IMMT: variants seen among roughly 807,000 people sequenced by gnomAD.
IMMT encodes inner membrane mitochondrial protein.
A neutral mutation model predicts 92.7 loss-of-function variants in IMMT; 40 were observed. The observed-to-expected ratio is 0.43, with a 90% CI of 0.34 to 0.56. The LOEUF is 0.56. IMMT is among the 20% of genes least tolerant of loss of function. The pLI is 0.03. For missense variants in IMMT, 831 were observed against 912.1 expected (o/e 0.91, Z 1.14); for synonymous variants, 322 against 336.1 (o/e 0.96, Z 0.46).
intron 10 of IMMT, among the ~76,000 whole-genome samples, chr2:86,156,159 C>G (rs972750179): frequency 1.1e-4 from 16 of 152,274 alleles, no homozygotes; most frequent in African/African-American, 3.9e-4. Context: ...TGATGTTTAG[C>G]AGCACGTCTG....
chr2:86,167,933 C>G (rs1487776312), intron 6 of IMMT, among the ~76,000 whole-genome samples: 1 of 151,500 alleles, frequency 6.6e-6, no homozygotes, highest in Non-Finnish European at 1.5e-5. Context: ...ATAAACTCAA[C>G]AAATCCATCA....
At chr2:86,153,689 G>A (rs1339703116) in intron 10 of IMMT, 115 bp from the exon 11 acceptor site, 2 of 554,822 alleles carry the variant, frequency 3.6e-6, no homozygotes, top group Non-Finnish European at 3.1e-6. Context: ...CTAGTACCAG[G>A]AAAAGCTATT....
Position 86,162,041 on chromosome 2 carries a change from C to T in IMMT, c.831G>A (p.Val277=). ...TTCTGCGTTCCTTCAATGCACCCTCCACTGTGCGCCACTGAGCAGATTTCT... is the reference window on the plus strand; with the variant it reads ...TTCTGCGTTCCTTCAATGCACCCTCTACTGTGCGCCACTGAGCAGATTTCT... ...GEKKSAQWRT[V]EGALKERRKA... The change falls in exon 8 of 15, where the codon GTG becomes GTA. Residue 277 remains valine, a synonymous_variant. Transcript: ENST00000410111. 1 of 1,604,320 alleles carries T rather than the reference C, an allele frequency of 6.2e-7. No homozygotes were observed. Among genetic ancestry groups the T allele is most frequent in the African/African-American group, 1.3e-5 (1 of 74,694 alleles).
chr2:86,168,158 C>A lies in IMMT; in HGVS notation c.656-1514G>T, dbSNP rs2105149353. 2.0e-5 allele frequency among the ~76,000 whole-genome samples: 3 copies of A among 152,278 alleles called. No individual in the cohort carries two copies. The Middle Eastern group carries it at 0.01, about 518-fold the overall frequency. The stretch of plus-strand genomic sequence containing the variant: ...TGGACAGTGTTCTTCCATAAAAGGA[C>A]TCAAGAAATAGCAGACACCAATGTT... On this transcript the variant is annotated intron_variant, in intron 6 of 14. Transcript: ENST00000410111.
chr2:86,189,984 T>C (rs1462457153), intron 1 of IMMT, among the ~76,000 whole-genome samples: 1 of 152,242 alleles, frequency 6.6e-6, no homozygotes, highest in East Asian at 1.9e-4. Context: ...AAATGGCAGA[T>C]ACTTATCAGT....
At chr2:86,145,444 G>A (rs562570038) in intron 14 of IMMT, among the ~76,000 whole-genome samples, 3 of 131,714 alleles carry the variant, frequency 2.3e-5, no homozygotes, top group South Asian at 2.4e-4. Flanking sequence ...GCAGTGAGTC[G>A]ATATCACACC....
intron 1 of IMMT, among the ~76,000 whole-genome samples, chr2:86,182,998 T>C (rs1013166786): frequency 6.6e-6 from 1 of 152,198 alleles, no homozygotes; most frequent in African/African-American, 2.4e-5. Flanking sequence ...TTCCTTCTAT[T>C]CTGTAAAGTA....
In IMMT at chr2:86,171,294, A is replaced by G; in HGVS notation, c.473T>C (p.Val158Ala). Residue 158 changes from valine to alanine, a missense_variant, in exon 5 of 15, where the codon GTC becomes GCC. Val to Ala is a moderately conservative substitution (Grantham distance 64). Coordinates refer to ENST00000410111, the MANE Select transcript of IMMT (RefSeq NM_006839.3). ...IISAAGDTLS[V>A]PAPAVQPEES... ...CTCAGGCTGAACTGCAGGGGCTGGG[A>G]CCGACAGGGTATCACCTGCTGCAGA... 1 of 1,610,614 alleles carries G rather than the reference A, an allele frequency of 6.2e-7. No individual in the cohort carries two copies. Among genetic ancestry groups the G allele is most frequent in the South Asian group, 1.1e-5 (1 of 90,376 alleles).
chr2:86,177,635 G>A (rs1315980953), intron 3 of IMMT, among the ~76,000 whole-genome samples: 2 of 151,948 alleles, frequency 1.3e-5, no homozygotes, highest in African/African-American at 4.8e-5. Context: ...TTTAAGGCTG[G>A]TGAGAAAAAA....
intron 1 of IMMT, among the ~76,000 whole-genome samples, chr2:86,183,233 A>C (rs1331876595): frequency 6.6e-6 from 1 of 152,200 alleles, no homozygotes; most frequent in Non-Finnish European, 1.5e-5. Context: ...TGGATAACTG[A>C]CTCCAGGAAA....
Position 86,187,979 on chromosome 2 carries a change from A to G in IMMT, c.46-6607T>C, listed in dbSNP as rs144501874. 2.8e-3 allele frequency among the ~76,000 whole-genome samples: 422 copies of G among 151,750 alleles called. 2 individuals carry two copies. The highest frequency in any genetic ancestry group is 9.7e-3 in the African/African-American group (402 of 41,432). On this transcript the variant is annotated intron_variant, in intron 1 of 14. Transcript: ENST00000410111. ...TTTTTCACAGCAGCTGTACCATTTT[A>G]CATTCCCACTAGCAATGTATGAGGG...
intron 7 of IMMT, 73 bp from the exon 8 acceptor site, chr2:86,162,152 A>G: frequency 1.1e-6 from 1 of 870,058 alleles, no homozygotes; most frequent in Non-Finnish European, 1.7e-6. Flanking sequence ...AAGATTGAAC[A>G]CAGAAACATG....
At chr2:86,178,327 A>AAAC (rs1558834644) in intron 3 of IMMT, among the ~76,000 whole-genome samples, 2 of 146,014 alleles carry the variant, frequency 1.4e-5, no homozygotes, top group Non-Finnish European at 3.0e-5. Flanking sequence ...CAAAAAAAAA[A>AAAC]AAAAGAAAAA....
chr2:86,147,913 C>A, intron 12 of IMMT, 80 bp from the exon 13 acceptor site: 1 of 1,401,294 alleles, frequency 7.1e-7, no homozygotes, highest in African/African-American at 1.4e-5. Flanking sequence ...CACTATCAAC[C>A]ATGACAACAG....
intron 2 of IMMT, among the ~76,000 whole-genome samples, chr2:86,180,422 C>T (rs1290462638): frequency 1.3e-5 from 2 of 151,818 alleles, no homozygotes; most frequent in Non-Finnish European, 2.9e-5. Context: ...TGCGCCACTA[C>T]GCCCGGCTAA....
rs187378199 is a variant in IMMT, at chr2:86,147,846, A to G, written c.1402-13T>C. The G allele has an allele frequency of 2.6e-3, 4,210 of 1,611,926 alleles. 10 individuals are homozygous for G. Among genetic ancestry groups the G allele is most frequent in the Non-Finnish European group, 3.3e-3 (3,923 of 1,179,376 alleles). On this transcript the variant is annotated splice_polypyrimidine_tract_variant and intron_variant, in intron 12 of 14. Transcript: ENST00000410111. ...TGACTTCTTCTATCTGTGAAACCAA[A>G]CATAGTAGTTATTAGTTTTCAATTC...
intron 9 of IMMT, 101 bp from the exon 10 acceptor site, chr2:86,158,822 G>A: frequency 1.0e-6 from 1 of 1,004,172 alleles, no homozygotes; most frequent in Non-Finnish European, 1.4e-6. Flanking sequence ...CATTTTGTTG[G>A]AAATGTGTAA....
chr2:86,163,774 A>T (rs1676450474), intron 7 of IMMT, among the ~76,000 whole-genome samples: 1 of 151,832 alleles, frequency 6.6e-6, no homozygotes, highest in African/African-American at 2.4e-5. Flanking sequence ...GGAGTTCAAG[A>T]CCAGCATGGC....
intron 7 of IMMT, among the ~76,000 whole-genome samples, chr2:86,165,366 A>G (rs1676600803): frequency 6.6e-6 from 1 of 152,190 alleles, no homozygotes; most frequent in African/African-American, 2.4e-5. Context: ...CTGAACTCTG[A>G]TATTTAAGTA....
Sources: allele counts gnomAD v4.1 joint callset (sites outside exome capture counted in the v4.1 genomes callset), GRCh38; gene constraint gnomAD v4.1.1; transcripts MANE v1.5; gene names NCBI Gene and HGNC (gene_info 2026-07-23, HGNC 2026-07-21).